Variants in DNAH5 observed in about 807,000 individuals in gnomAD.
DNAH5 encodes the protein axonemal beta dynein heavy chain 5.
In DNAH5, 372 loss-of-function variants were observed where a neutral mutation model predicts 518.2. The ratio of observed to expected loss-of-function variants is 0.72; its 90% CI spans 0.66 to 0.78. The LOEUF is 0.78. DNAH5 is among the 30% of genes least tolerant of loss of function. DNAH5 has a pLI of 0.00. For missense variants in DNAH5, 5,523 were observed against 5,687.0 expected (o/e 0.97, Z 0.93); for synonymous variants, 2,039 against 2,025.9 (o/e 1.01, Z -0.17).
intron 1 of DNAH5, among the ~76,000 whole-genome samples, chr5:13,957,999 G>A (rs1307893444): frequency 6.6e-6 from 1 of 151,278 alleles, no homozygotes; most frequent in African/African-American, 2.4e-5. Context: ...TTTATTTTTA[G>A]TTTAAAATGT....
rs926266585 is a variant in DNAH5 at position 13,810,042 on chromosome 5, C to T, written c.7609+17G>A. 10 of 1,550,190 alleles carry T rather than the reference C, an allele frequency of 6.5e-6. No individual in the cohort carries two copies. The Admixed American group carries it at 1.2e-4, about 18-fold the overall frequency. On this transcript the variant is annotated intron_variant, in intron 45 of 78. Transcript: ENST00000265104. Reference sequence around the variant, plus strand: ...ACGGCCCCCATGGGTTCCGTCTGGACGGGCAGGTGTCCTCACCATCGGGCG... The same window carrying T: ...ACGGCCCCCATGGGTTCCGTCTGGATGGGCAGGTGTCCTCACCATCGGGCG...
At position 14,006,390 on chromosome 5, in the gene DNAH5, A is replaced by C. The variant is rs553968122; in HGVS notation, c.12+5258T>G. On this transcript the variant is annotated intron_variant, in intron 1 of 78. Coordinates refer to the DNAH5 transcript ENST00000681290. ...CACAGACTTGGTGCTTAAATACCAGAAATTTGCTTTCTCACAGTTCTGGAA... is the reference window on the plus strand; with the variant it reads ...CACAGACTTGGTGCTTAAATACCAGCAATTTGCTTTCTCACAGTTCTGGAA... 2.6e-5 allele frequency among the ~76,000 whole-genome samples: 4 copies of C among 152,272 alleles called. No homozygotes were observed. The South Asian group carries it at 8.3e-4, about 32-fold the overall frequency.
intron 1 of DNAH5, among the ~76,000 whole-genome samples, chr5:13,942,671 T>G (rs1392538944): frequency 6.6e-6 from 1 of 152,134 alleles, no homozygotes; most frequent in Non-Finnish European, 1.5e-5. Flanking sequence ...CCCTGGCCTT[T>G]CTTCAGCAAG....
chr5:13,986,945 T>A (rs924070223), intron 1 of DNAH5, among the ~76,000 whole-genome samples: 1 of 152,214 alleles, frequency 6.6e-6, no homozygotes, highest in Non-Finnish European at 1.5e-5. Flanking sequence ...ACACTTGGGA[T>A]CTGCTTGTCA....
At chr5:13,872,523 A>G (rs1770271329) in intron 22 of DNAH5, among the ~76,000 whole-genome samples, 1 of 152,156 alleles carries the variant, frequency 6.6e-6, no homozygotes, top group African/African-American at 2.4e-5. Context: ...TGCTGTTGTC[A>G]TTGTAAACAA....
At chr5:13,915,439 T>C (rs955303184) in intron 9 of DNAH5, among the ~76,000 whole-genome samples, 1 of 152,136 alleles carries the variant, frequency 6.6e-6, no homozygotes, top group Non-Finnish European at 1.5e-5. Flanking sequence ...GCAAATAATA[T>C]GCATAAAATC....
chr5:13,753,464 C>T lies in DNAH5; in HGVS notation c.10641G>A (p.Arg3547=). 1 of 1,614,028 alleles carries T rather than the reference C, an allele frequency of 6.2e-7. No individual in the cohort carries two copies. Among genetic ancestry groups the T allele is most frequent in the South Asian group, 1.1e-5 (1 of 91,070 alleles). The change falls in exon 63 of 79, where the codon CGG becomes CGA. Residue 3547 remains arginine, a synonymous_variant. Coordinates refer to ENST00000265104, the MANE Select transcript of DNAH5 (RefSeq NM_001369.3). ...EFRDLLLNDW[R]KEMKARKIPF... ...GAATTTTCCGGGCTTTCATTTCCTTCCGCCAGTCATTTAACAGAAGATCAC... is the reference window on the plus strand; with the variant it reads ...GAATTTTCCGGGCTTTCATTTCCTTTCGCCAGTCATTTAACAGAAGATCAC...
chr5:13,776,843 T>C, intron 54 of DNAH5, 137 bp from the exon 55 acceptor site: 2 of 927,602 alleles, frequency 2.2e-6, no homozygotes, highest in Non-Finnish European at 3.3e-6. Flanking sequence ...GTTTTCAAGA[T>C]GAAATACACT....
At chr5:13,767,799 C>T (rs1752714917) in intron 58 of DNAH5, among the ~76,000 whole-genome samples, 1 of 152,174 alleles carries the variant, frequency 6.6e-6, no homozygotes, top group Non-Finnish European at 1.5e-5. Flanking sequence ...ATATAATCTC[C>T]TATATGCTGT....
rs1270916321 is a variant in DNAH5, at chr5:13,823,293, G to T, written c.6657C>A (p.Tyr2219Ter). ...TACTAATTGCTGCTTCCAGTTCAGGGTAACCTGCCTTGTCCAGAAGAATAT... is the reference window on the plus strand; with the variant it reads ...TACTAATTGCTGCTTCCAGTTCAGGTTAACCTGCCTTGTCCAGAAGAATAT... ...FPNILLDKAGYPELEAAISRQ... is the reference protein window; with the variant it reads ...FPNILLDKAG Residue 2219 changes from tyrosine to a stop codon, truncating the protein, a stop_gained, in exon 40 of 79, where the codon TAC (tyrosine) becomes TAA (stop). Coordinates refer to ENST00000265104, the MANE Select transcript of DNAH5 (RefSeq NM_001369.3). LOFTEE classifies it high-confidence loss of function. 1 of 1,613,606 alleles carries T rather than the reference G, an allele frequency of 6.2e-7. No homozygotes were observed. Among genetic ancestry groups the T allele is most frequent in the East Asian group, 2.2e-5 (1 of 44,876 alleles).
intron 68 of DNAH5, among the ~76,000 whole-genome samples, chr5:13,731,742 A>T (rs1746592134): frequency 6.6e-6 from 1 of 152,230 alleles, no homozygotes; most frequent in Admixed American, 6.5e-5. Flanking sequence ...TATACAAGCT[A>T]TGCCACACAA....
At chr5:13,839,908 A>T (rs529923867) in intron 34 of DNAH5, among the ~76,000 whole-genome samples, 16 of 152,232 alleles carry the variant, frequency 1.1e-4, no homozygotes, top group African/African-American at 3.4e-4. Flanking sequence ...AAACAATCTC[A>T]TTAGGAAAAA....
chr5:13,831,372 G>T (rs1431029919), intron 35 of DNAH5, among the ~76,000 whole-genome samples: 5 of 152,194 alleles, frequency 3.3e-5, no homozygotes, highest in Admixed American at 1.3e-4. Context: ...ATACAAGAAT[G>T]CCTGCAAAGG....
At chr5:13,982,398 A>G (rs1355091475) in intron 1 of DNAH5, among the ~76,000 whole-genome samples, 1 of 152,250 alleles carries the variant, frequency 6.6e-6, no homozygotes, top group Non-Finnish European at 1.5e-5. Flanking sequence ...ATGAGTGAGT[A>G]GACATATGCA....
At chr5:13,718,728 A>T (rs771207316) in intron 72 of DNAH5, among the ~76,000 whole-genome samples, 154 bp downstream of exon 72, 6 of 152,238 alleles carry the variant, frequency 3.9e-5, no homozygotes, top group Non-Finnish European at 8.8e-5. Context: ...CACTGCCGGG[A>T]CATATTCACA....
intron 30 of DNAH5, among the ~76,000 whole-genome samples, chr5:13,854,633 C>A (rs983615512): frequency 6.6e-6 from 1 of 152,054 alleles, no homozygotes; most frequent in African/African-American, 2.4e-5. Flanking sequence ...ATCTCACGTG[C>A]AAAGACACAC....
intron 11 of DNAH5, among the ~76,000 whole-genome samples, chr5:13,912,462 A>G (rs539465382): frequency 7.4e-6 from 1 of 135,876 alleles, no homozygotes; most frequent in African/African-American, 2.9e-5. Context: ...GTATGCATGG[A>G]ATGTTATATA....
Position 13,870,935 on chromosome 5 carries a change from G to A in DNAH5, c.3666C>T (p.Asn1222=), listed in dbSNP as rs542552959. 1.7e-5 allele frequency: 28 copies of A among 1,613,708 alleles called. No homozygotes were observed. Among genetic ancestry groups the A allele is most frequent in the East Asian group, 4.5e-5 (2 of 44,870 alleles). Residue 1222 remains asparagine, a synonymous_variant, in exon 24 of 79, where the codon AAC becomes AAT. Transcript: ENST00000265104. The part of the protein sequence containing the change: ...AWMVVIGRHC[N]KKYRSEMENI... ...TTTCCATCTCACTCCGGTATTTTTT[G>A]TTACAGTGGCGTCCAATGACAACCA...
intron 61 of DNAH5, among the ~76,000 whole-genome samples, chr5:13,755,137 A>C (rs1035801182): frequency 2.6e-5 from 4 of 152,078 alleles, no homozygotes; most frequent in African/African-American, 9.7e-5. Context: ...AAAAGCAAAA[A>C]ACAAATGGCT....
Sources: gnomAD v4.1 joint callset for allele counts (sites outside exome capture counted in the v4.1 genomes callset) on GRCh38, gnomAD v4.1.1 for gene constraint, MANE v1.5 for transcripts, NCBI Gene and HGNC (gene_info 2026-07-23, HGNC 2026-07-21) for gene names.